Variants in KALRN observed in about 807,000 individuals in gnomAD.
KALRN encodes kalirin.
In KALRN, 70 loss-of-function variants were observed where a neutral mutation model predicts 353.7. That is an observed-to-expected ratio of 0.20 (90% CI 0.16 to 0.24). The LOEUF (loss-of-function observed/expected upper bound fraction) is 0.24, where lower values mean the gene tolerates loss of function less well. Ranked by LOEUF, KALRN falls within the 10% of genes least tolerant of loss-of-function variation. The pLI, the probability that KALRN is intolerant of heterozygous loss-of-function variation, is 1.00. For synonymous variants in KALRN, 1,391 were observed against 1,434.8 expected, an observed-to-expected ratio of 0.97 and a Z score of 0.69; for missense variants, 2,791 against 3,756.7, an observed-to-expected ratio of 0.74 and a Z score of 6.72.
At chr3:124,601,336 A>G (rs1026321807) in intron 34 of KALRN, among the ~76,000 whole-genome samples, 30 of 152,244 alleles carry the variant, frequency 2.0e-4, no homozygotes, top group Non-Finnish European at 8.8e-5. Context: ...TTATAGGGTA[A>G]TAGCTTTAAA....
chr3:124,709,228 A>G (rs1012432638), intron 57 of KALRN, among the ~76,000 whole-genome samples: 1 of 152,186 alleles, frequency 6.6e-6, no homozygotes, highest in African/African-American at 2.4e-5. Flanking sequence ...ATAATCCTGC[A>G]ATAAAAAAGA....
At chr3:124,371,338 A>G (rs971058543) in intron 10 of KALRN, among the ~76,000 whole-genome samples, 5 of 152,184 alleles carry the variant, frequency 3.3e-5, no homozygotes, top group Admixed American at 6.5e-5. Flanking sequence ...GGTTGAGTTC[A>G]TATCTTGAAG....
At chr3:124,327,258 T>C (rs1183516259) in intron 7 of KALRN, among the ~76,000 whole-genome samples, 1 of 152,238 alleles carries the variant, frequency 6.6e-6, no homozygotes, top group Non-Finnish European at 1.5e-5. Context: ...GGAAATATTC[T>C]TCCAATATTC....
intron 1 of KALRN, among the ~76,000 whole-genome samples, chr3:124,164,940 C>G (rs1215956633): frequency 6.6e-6 from 1 of 152,142 alleles, no homozygotes; most frequent in Non-Finnish European, 1.5e-5. Context: ...TCATAGTACC[C>G]CTCTGGGCCT....
intron 9 of KALRN, among the ~76,000 whole-genome samples, chr3:124,346,932 G>A (rs1180780706): frequency 2.0e-5 from 3 of 152,184 alleles, no homozygotes; most frequent in African/African-American, 7.2e-5. Context: ...AAAAGGATAA[G>A]TTGAATTTAG....
chr3:124,658,295 T>C (rs2150188070), intron 41 of KALRN, 136 bp from the exon 42 acceptor site: 1 of 709,070 alleles, frequency 1.4e-6, no homozygotes, highest in South Asian at 1.6e-5. Flanking sequence ...ATTTATATCC[T>C]TGATATTCAG....
At chr3:124,712,425 C>T (rs1300978641) in intron 57 of KALRN, among the ~76,000 whole-genome samples, 1 of 151,982 alleles carries the variant, frequency 6.6e-6, no homozygotes, top group African/African-American at 2.4e-5. Flanking sequence ...CACAGAAATA[C>T]ATATTCTGCC....
intron 1 of KALRN, among the ~76,000 whole-genome samples, chr3:124,092,965 A>G (rs1380748624): frequency 1.3e-5 from 2 of 152,202 alleles, no homozygotes; most frequent in Non-Finnish European, 2.9e-5. Flanking sequence ...TGTTAACTAC[A>G]CACTGGAGTC....
At chr3:124,461,448 A>G (rs2059850055) in intron 23 of KALRN, among the ~76,000 whole-genome samples, 1 of 152,164 alleles carries the variant, frequency 6.6e-6, no homozygotes, top group Non-Finnish European at 1.5e-5. Flanking sequence ...CTGTTTTGGT[A>G]TATATCTACA....
chr3:124,525,031 G>C (rs1471687331), intron 33 of KALRN, among the ~76,000 whole-genome samples: 1 of 152,164 alleles, frequency 6.6e-6, no homozygotes, highest in Admixed American at 6.5e-5. Context: ...ATATGCAGCT[G>C]GTTCTCAGAT....
intron 26 of KALRN, among the ~76,000 whole-genome samples, chr3:124,476,021 ACAAT>A (rs2061397857): frequency 6.6e-6 from 1 of 151,862 alleles, no homozygotes; most frequent in Non-Finnish European, 1.5e-5. Context: ...GATTTCCTTT[ACAAT>A]CAGTCATAAG....
In KALRN at chr3:124,422,912, A is replaced by G. The variant is rs755123773; in HGVS notation, c.2643A>G (p.Ala881=). The G allele has an allele frequency of 6.2e-7, 1 of 1,613,906 alleles. No individual in the cohort carries two copies. The highest frequency in any genetic ancestry group is 2.2e-5 in the East Asian group (1 of 44,884). The change falls in exon 15 of 60, where the codon GCA becomes GCG. Residue 881 remains alanine (A), a synonymous_variant. Coordinates refer to ENST00000682506, the MANE Select transcript of KALRN (RefSeq NM_001388419.1). ...HEKQHELELN[A]EQTHKRLEQC... ...AGCAGCATGAATTGGAGCTCAATGC[A>G]GAGCAGACTCATAAGCGGCTAGAGC...
At chr3:124,352,572 T>TA (rs1332895446) in intron 10 of KALRN, among the ~76,000 whole-genome samples, 1 of 152,206 alleles carries the variant, frequency 6.6e-6, no homozygotes, top group Non-Finnish European at 1.5e-5. Context: ...GCAGACAATT[T>TA]AAAGAAAGAC....
chr3:124,096,522 T>C (rs934495091), intron 1 of KALRN: 13 of 152,234 alleles, frequency 8.5e-5, no homozygotes, highest in African/African-American at 2.9e-4. Flanking sequence ...TACCATATGA[T>C]GCTAATTATA....
intron 1 of KALRN, among the ~76,000 whole-genome samples, chr3:124,201,632 G>A (rs1268380782): frequency 3.0e-4 from 45 of 152,344 alleles, no homozygotes; most frequent in Non-Finnish European, 1.8e-4. Context: ...GGTCTGTACA[G>A]GTTGATGGAT....
chr3:124,593,332 A>G (rs192056516), intron 34 of KALRN, among the ~76,000 whole-genome samples: 8 of 152,288 alleles, frequency 5.3e-5, no homozygotes, highest in African/African-American at 1.9e-4. Flanking sequence ...GAAGTTCTCA[A>G]AGTGTGGTCA....
chr3:124,289,775 A>G (rs1376841409), intron 5 of KALRN, among the ~76,000 whole-genome samples: 1 of 152,242 alleles, frequency 6.6e-6, no homozygotes, highest in African/African-American at 2.4e-5. Context: ...CACCATGTTT[A>G]AAATGGAATT....
intron 51 of KALRN, among the ~76,000 whole-genome samples, chr3:124,682,183 T>C (rs1199644915): frequency 2.0e-5 from 3 of 152,184 alleles, no homozygotes; most frequent in African/African-American, 7.2e-5. Flanking sequence ...AGAGAGGCTA[T>C]ACCTTAAAGA....
chr3:124,226,321 CATAAATATCT>C (rs1263762207), intron 1 of KALRN, among the ~76,000 whole-genome samples: 2 of 152,130 alleles, frequency 1.3e-5, no homozygotes, highest in Non-Finnish European at 2.9e-5. Flanking sequence ...AAAATTAGAG[CATAAATATCT>C]GTAGAAACAG....
Sources: gnomAD v4.1 joint callset for allele counts (sites outside exome capture counted in the v4.1 genomes callset) on GRCh38, gnomAD v4.1.1 for gene constraint, MANE v1.5 for transcripts, NCBI Gene and HGNC (gene_info 2026-07-23, HGNC 2026-07-21) for gene names.